The following TJP2 variants were observed in gnomAD, a reference collection of about 807,000 sequenced individuals.
The protein encoded by TJP2 is tight junction protein 2.
A neutral mutation model predicts 133.1 loss-of-function variants in TJP2; 91 were observed. The ratio of observed to expected loss-of-function variants is 0.68; its 90% CI spans 0.58 to 0.81. The LOEUF (loss-of-function observed/expected upper bound fraction) is 0.81, where lower values mean the gene tolerates loss of function less well. Ranked by LOEUF, TJP2 falls within the 40% of genes least tolerant of loss-of-function variation. The pLI, the probability that TJP2 is intolerant of heterozygous loss-of-function variation, is 0.00. For synonymous variants in TJP2, 592 were observed against 583.4 expected (o/e 1.01, Z -0.21); for missense variants, 1,541 against 1,565.6 (o/e 0.98, Z 0.26).
chr9:69,240,500 A>G (rs1333183915), intron 17 of TJP2, among the ~76,000 whole-genome samples: 2 of 152,238 alleles, frequency 1.3e-5, no homozygotes, highest in African/African-American at 4.8e-5. Context: ...CAATACATGC[A>G]TTAACTTACA....
intron 3 of TJP2, among the ~76,000 whole-genome samples, chr9:69,216,825 G>C (rs1828422116): frequency 6.6e-6 from 1 of 152,086 alleles, no homozygotes; most frequent in Non-Finnish European, 1.5e-5. Context: ...TATTCTTTAA[G>C]AATTTAATGA....
chr9:69,232,858 A>C (rs1829891790), intron 11 of TJP2, among the ~76,000 whole-genome samples: 1 of 152,180 alleles, frequency 6.6e-6, no homozygotes, highest in African/African-American at 2.4e-5. Context: ...GTGTGCTTTA[A>C]TTTTGACCAT....
chr9:69,248,418 CTT>C, intron 19 of TJP2, 194 bp downstream of exon 19: 1 of 1,430,970 alleles, frequency 7.0e-7, no homozygotes, highest in Non-Finnish European at 9.2e-7. Context: ...GGCAGGTGGA[CTT>C]CAGAAGAGCT....
chr9:69,238,080 C>G, intron 15 of TJP2, 107 bp downstream of exon 15: 1 of 776,980 alleles, frequency 1.3e-6, no homozygotes, highest in African/African-American at 1.7e-5. Flanking sequence ...CCTGGAATCA[C>G]CAGTTGCTGA....
chr9:69,209,722 C>T (rs148823423), intron 1 of TJP2, among the ~76,000 whole-genome samples: 25,345 of 150,006 alleles, frequency 0.17, 2,351 homozygotes, highest in South Asian at 0.29. Context: ...CCATTGCACT[C>T]CAGCCTGGGC....
intron 1 of TJP2, among the ~76,000 whole-genome samples, chr9:69,209,321 A>C (rs1331048661): frequency 6.6e-6 from 1 of 151,972 alleles, no homozygotes; most frequent in Non-Finnish European, 1.5e-5. Context: ...TTTGGTAGAG[A>C]TAGGGTTTCA....
chr9:69,132,255 G>T (rs1822527059), intron 1 of TJP2, among the ~76,000 whole-genome samples: 1 of 152,232 alleles, frequency 6.6e-6, no homozygotes, highest in African/African-American at 2.4e-5. Context: ...TGGTTGTACA[G>T]TTTAAGGACA....
In TJP2 at chr9:69,236,460, T is replaced by C. The variant is rs558263143; in HGVS notation, c.1991+222T>C. Among the ~76,000 whole-genome samples the C allele has an allele frequency of 2.6e-5, 4 of 152,282 alleles. No individual in the cohort carries two copies. The East Asian group carries it at 7.7e-4, about 29-fold the overall frequency. ...TGTGGTTGGTTGCTGAATGTGGCTG[T>C]TTGAACAACTTCCTAAGGAGCATCC... On this transcript the variant is annotated intron_variant, in intron 13 of 22. Transcript: ENST00000377245.
intron 4 of TJP2, among the ~76,000 whole-genome samples, chr9:69,220,110 A>G (rs922980688): frequency 2.0e-5 from 3 of 152,232 alleles, no homozygotes; most frequent in African/African-American, 7.2e-5. Context: ...AGTACAGTCC[A>G]GCCTGGGCAA....
intron 11 of TJP2, 74 bp from the exon 12 acceptor site, chr9:69,234,365 C>G: frequency 8.3e-7 from 1 of 1,201,506 alleles, no homozygotes; most frequent in Non-Finnish European, 1.2e-6. Flanking sequence ...ATAAACTTCT[C>G]TGTTTTTTCT....
chr9:69,225,342 G>C lies in TJP2; in HGVS notation c.991G>C (p.Glu331Gln), dbSNP rs776748617. The C allele has an allele frequency of 1.2e-6, 2 of 1,613,960 alleles. No homozygotes were observed. Among genetic ancestry groups the C allele is most frequent in the South Asian group, 1.1e-5 (1 of 91,042 alleles). The change falls in exon 6 of 23, where the codon GAA (glutamate) becomes CAA (glutamine). Residue 331 changes from glutamate to glutamine, a missense_variant. Physicochemically the swap from Glu to Gln is conservative, Grantham distance 29. Coordinates refer to ENST00000377245, the MANE Select transcript of TJP2 (RefSeq NM_004817.4). ...LRLGSQIFVK[E>Q]MTRTGLATKD... is the part of the protein sequence containing the mutation. ...GCTTGGGAGTCAGATCTTCGTAAAG[G>C]AAATGACCCGAACGGGTCTGGCAAC...
rs1156502519 is a variant in TJP2 at position 69,158,327 on chromosome 9, C to CAAAAAAA, written c.-10+6575_-10+6581dup. ...TGAGGGACAGAGCAAGACTTTGCCTCAAAAAAAAAAAAAAAAAAAAAAAAA... is the reference window on the plus strand; with the variant it reads ...TGAGGGACAGAGCAAGACTTTGCCTCAAAAAAAAAAAAAAAAAAAAAAAAAAAAAAAA... On this transcript the variant is annotated intron_variant, in intron 2 of 5. Coordinates refer to the TJP2 transcript ENST00000423935. Among the ~76,000 whole-genome samples, 20 of 52,774 alleles carry CAAAAAAA rather than the reference C, an allele frequency of 3.8e-4. 1 individual carries two copies. The highest frequency in any genetic ancestry group is 1.2e-3 in the Admixed American group (4 of 3,224). 34.6% of individuals were successfully genotyped at this position (52,774 alleles called of 152,430 possible).
At chr9:69,207,499 T>G (rs1827525747) in intron 1 of TJP2, among the ~76,000 whole-genome samples, 1 of 152,222 alleles carries the variant, frequency 6.6e-6, no homozygotes, top group Non-Finnish European at 1.5e-5. Context: ...GTTGGGAACA[T>G]TGCTGCTGTG....
At position 69,247,898 on chromosome 9, in the gene TJP2, T is replaced by C. The variant is rs1456487468; in HGVS notation, c.2668-114T>C. 7.7e-6 allele frequency: 8 copies of C among 1,041,842 alleles called. No individual in the cohort carries two copies. The Admixed American group carries it at 1.9e-4, about 25-fold the overall frequency. The allele number at this position is 1,041,842 out of a possible 1,614,324, so 64.5% of individuals were successfully genotyped here. On this transcript the variant is annotated intron_variant, in intron 18 of 22. Coordinates refer to ENST00000377245, the MANE Select transcript of TJP2 (RefSeq NM_004817.4). ...GGAGAAAAATAAAAGATGCCTTCCC[T>C]GGCGAGCACATCAAGGTTTCAGTCG...
intron 5 of TJP2, among the ~76,000 whole-genome samples, chr9:69,222,550 G>T (rs956458255): frequency 6.6e-6 from 1 of 152,166 alleles, no homozygotes; most frequent in East Asian, 1.9e-4. Flanking sequence ...TTAATCCTCA[G>T]AACTACCTCA....
At chr9:69,253,789 G>T in intron 22 of TJP2, 1 of 295,664 alleles carries the variant, frequency 3.4e-6, no homozygotes, top group East Asian at 8.7e-5. Flanking sequence ...GTTTTCCAGT[G>T]ATAGAAAACT....
chr9:69,233,180 T>C (rs1057211464), intron 11 of TJP2, among the ~76,000 whole-genome samples: 4 of 152,218 alleles, frequency 2.6e-5, no homozygotes, highest in Non-Finnish European at 4.4e-5. Flanking sequence ...ATTAACTCAA[T>C]TGCTTTAGCA....
At position 69,254,306 on chromosome 9, in the gene TJP2, C is replaced by T. The variant is rs1316738505; in HGVS notation, c.3505C>T (p.Gln1169Ter). 4 of 1,614,138 alleles carry T rather than the reference C, an allele frequency of 2.5e-6. No individual in the cohort carries two copies. In the East Asian group the frequency reaches 6.7e-5, roughly 27 times the overall value. ...TGCCGAGGAGGAGGAGTACCGCCAGCAGCTGTCAGAACACTCCAAGCGCGG... is the reference window on the plus strand; with the variant it reads ...TGCCGAGGAGGAGGAGTACCGCCAGTAGCTGTCAGAACACTCCAAGCGCGG... Reference protein sequence around the residue: ...SDAEEEEYRQQLSEHSKRGYY... With the variant: ...SDAEEEEYRQ Residue 1169 changes from glutamine (Q) to a stop codon, truncating the protein, a stop_gained, in exon 23 of 23, where the codon CAG (glutamine) becomes TAG (stop). Transcript: ENST00000377245. LOFTEE classifies it high-confidence loss of function.
chr9:69,246,732 G>C lies in TJP2; in HGVS notation c.2609G>C (p.Ser870Thr), dbSNP rs754810906. Residue 870 changes from serine to threonine, a missense_variant, in exon 18 of 23, where the codon AGC becomes ACC. Transcript: ENST00000377245. ...TCAGCCAATGATAGCTGGTTTGGCA[G>C]CTTAAAGGACACTATTCAGCATCAG... ...LNSANDSWFG[S>T]LKDTIQHQQG... 1 of 1,613,994 alleles carries C rather than the reference G, an allele frequency of 6.2e-7. No individual in the cohort carries two copies. The highest frequency in any genetic ancestry group is 1.3e-5 in the African/African-American group (1 of 74,914).
Sources: allele counts gnomAD v4.1 joint callset (sites outside exome capture counted in the v4.1 genomes callset), GRCh38; gene constraint gnomAD v4.1.1; transcripts MANE v1.5; gene names NCBI Gene and HGNC (gene_info 2026-07-23, HGNC 2026-07-21).